Variants in TXNDC12 observed in about 807,000 individuals in gnomAD.
TXNDC12 encodes thioredoxin domain containing 12.
In TXNDC12, 22 loss-of-function variants were observed where a neutral mutation model predicts 24.2. That is an observed-to-expected ratio of 0.91 (90% CI 0.65 to 1.30). The LOEUF (loss-of-function observed/expected upper bound fraction) is 1.30, where lower values mean the gene tolerates loss of function less well. Among genes scored for constraint, TXNDC12 ranks in the 50% most tolerant of loss-of-function variants. The pLI is 0.00. For missense variants in TXNDC12, 184 were observed against 205.8 expected (o/e 0.89, Z 0.65); for synonymous variants, 58 against 73.4 (o/e 0.79, Z 1.07).
upstream of TXNDC12, chr1:52,055,528 G>C (rs1686326138): frequency 5.0e-6 from 1 of 199,346 alleles, no homozygotes; most frequent in Non-Finnish European, 1.0e-5. Context: ...CGTGAGGTCA[G>C]TCGCTCCCAA....
chr1:52,025,193 G>A (rs1425115179), intron 4 of TXNDC12, among the ~76,000 whole-genome samples: 1 of 151,986 alleles, frequency 6.6e-6, no homozygotes, highest in Non-Finnish European at 1.5e-5. Context: ...GTCCTCCCAG[G>A]AGATTAAAAA....
At position 52,052,809 on chromosome 1, in the gene TXNDC12, C is replaced by CACAGTAACT. The variant is rs904714951; in HGVS notation, c.97+2182_97+2190dup. 8.1e-4 allele frequency: 124 copies of CACAGTAACT among 152,300 alleles called. 2 individuals are homozygous for CACAGTAACT. The highest frequency in any genetic ancestry group is 2.9e-3 in the African/African-American group (119 of 41,564). The allele number at this position is 152,300 out of a possible 1,614,324, so 9.4% of individuals were successfully genotyped here. ...ATTCCAAGGTATTACCTACACCTAA[C>CACAGTAACT]ACAGTAACTTGAACAGAGCAAATTA... On this transcript the variant is annotated intron_variant, in intron 1 of 6. Transcript: ENST00000371626.
chr1:52,050,030 A>G (rs1686171050), intron 1 of TXNDC12, among the ~76,000 whole-genome samples: 2 of 152,184 alleles, frequency 1.3e-5, no homozygotes, highest in Admixed American at 1.3e-4. Flanking sequence ...AGCTTGCCCA[A>G]GGTTATGTTG....
intron 2 of TXNDC12, among the ~76,000 whole-genome samples, chr1:52,034,724 G>T (rs1318867282): frequency 2.0e-5 from 3 of 151,968 alleles, no homozygotes; most frequent in African/African-American, 7.2e-5. Context: ...GAATACAGGT[G>T]TGTGAGCCAA....
At chr1:52,032,533 C>T (rs1685781369) in intron 2 of TXNDC12, 2 of 1,387,838 alleles carry the variant, frequency 1.4e-6, no homozygotes, top group Non-Finnish European at 1.9e-6. Context: ...GCTGTAAACC[C>T]AAGGCCTGGC....
At chr1:52,055,380 G>T (rs1004970739), upstream of TXNDC12, 7 of 420,774 alleles carry the variant, frequency 1.7e-5, no homozygotes, top group Non-Finnish European at 3.1e-5. Context: ...GTCCCGGGAC[G>T]GAGCGGGAAA....
intron 6 of TXNDC12, among the ~76,000 whole-genome samples, chr1:52,022,635 GTTTTTT>G (rs1188645759): frequency 8.4e-6 from 1 of 118,616 alleles, no homozygotes; most frequent in Non-Finnish European, 1.8e-5. Context: ...GGTTTTTTTG[GTTTTTT>G]TTTTTTTTTT....
At position 52,027,356 on chromosome 1, in the gene TXNDC12, G is replaced by GA; in HGVS notation, c.212-9dup. ...CAAATTTGGGCTTTAGAGCTGGGGG[G>GA]AAAAAGATTTTGGAATAGAAGAAAA... On this transcript the variant is annotated splice_polypyrimidine_tract_variant and intron_variant, in intron 3 of 6. Coordinates refer to ENST00000371626, the MANE Select transcript of TXNDC12 (RefSeq NM_015913.4). 1 of 1,604,090 alleles carries GA rather than the reference G, an allele frequency of 6.2e-7. No individual in the cohort carries two copies. Among genetic ancestry groups the GA allele is most frequent in the Non-Finnish European group, 8.5e-7 (1 of 1,172,220 alleles).
rs542473583 is a variant in TXNDC12, at chr1:52,052,878, G to A, written c.97+2122C>T. On this transcript the variant is annotated intron_variant, in intron 1 of 6. Coordinates refer to ENST00000371626, the MANE Select transcript of TXNDC12 (RefSeq NM_015913.4). ...TAGTTATGATGCCCATTTTGCAGAT[G>A]AGGAACGGAGGCTTTGAGAGTTAAG... 2.6e-5 allele frequency among the ~76,000 whole-genome samples: 4 copies of A among 152,272 alleles called. No homozygotes were observed. In the East Asian group the frequency reaches 7.7e-4, roughly 29 times the overall value.
At chr1:52,036,002 C>T (rs1685876951) in intron 2 of TXNDC12, among the ~76,000 whole-genome samples, 1 of 152,048 alleles carries the variant, frequency 6.6e-6, no homozygotes, top group Admixed American at 6.6e-5. Flanking sequence ...ATTAAGATAA[C>T]AATAATACCA....
At chr1:52,024,424 T>A (rs1685644483) in intron 5 of TXNDC12, 86 bp downstream of exon 5, 1 of 1,024,724 alleles carries the variant, frequency 9.8e-7, no homozygotes, top group East Asian at 2.5e-5. Context: ...CATCCTGGTA[T>A]AGTTTCACTA....
chr1:52,022,675 G>A (rs545346294), intron 6 of TXNDC12, among the ~76,000 whole-genome samples: 7 of 122,182 alleles, frequency 5.7e-5, no homozygotes, highest in African/African-American at 2.2e-4. Context: ...GTCTCGCTCT[G>A]TCACCCAGGC....
In TXNDC12 at chr1:52,055,065, C is replaced by T; in HGVS notation, c.32G>A (p.Cys11Tyr). 6.2e-7 allele frequency: 1 copy of T among 1,614,102 alleles called. No individual in the cohort carries two copies. The highest frequency in any genetic ancestry group is 8.5e-7 in the Non-Finnish European group (1 of 1,179,978). Residue 11 changes from cysteine to tyrosine, a missense_variant, in exon 1 of 7, where the codon TGT (cysteine) becomes TAT (tyrosine). Cys to Tyr is a radical substitution (Grantham distance 194). Transcript: ENST00000371626. ...GAGCAGGAAACTGAAGCCCAGCAAA[C>T]AGGTGGCCCCGAGACGAGGCCGCGT... METRPRLGAT[C>Y]LLGFSFLLLV...
intron 6 of TXNDC12, among the ~76,000 whole-genome samples, chr1:52,022,154 G>A (rs190999060): frequency 9.2e-5 from 14 of 152,188 alleles, no homozygotes; most frequent in African/African-American, 2.2e-4. Flanking sequence ...TCTCCTCCCC[G>A]TCCCTAGTCT....
chr1:52,046,751 C>T (rs113013926), intron 1 of TXNDC12, among the ~76,000 whole-genome samples: 2 of 151,282 alleles, frequency 1.3e-5, no homozygotes, highest in African/African-American at 4.9e-5. Flanking sequence ...GGCGCGGTGG[C>T]TCACGCCTGT....
At chr1:52,024,851 T>C (rs1342130708) in intron 4 of TXNDC12, among the ~76,000 whole-genome samples, 1 of 152,242 alleles carries the variant, frequency 6.6e-6, no homozygotes, top group Non-Finnish European at 1.5e-5. Flanking sequence ...AACTCTCTGC[T>C]GAACACACTT....
chr1:52,040,755 G>A (rs1453566397), intron 2 of TXNDC12, among the ~76,000 whole-genome samples: 1 of 152,152 alleles, frequency 6.6e-6, no homozygotes, highest in Non-Finnish European at 1.5e-5. Context: ...GTTTGGCCGG[G>A]CGTGGTGGCT....
intron 6 of TXNDC12, among the ~76,000 whole-genome samples, chr1:52,022,294 A>G (rs1685609137): frequency 6.6e-6 from 1 of 152,202 alleles, no homozygotes; most frequent in Admixed American, 6.5e-5. Flanking sequence ...GAAAGCAGCA[A>G]CAATACATGG....
intron 1 of TXNDC12, among the ~76,000 whole-genome samples, chr1:52,042,022 G>A (rs72905987): frequency 0.023 from 3,496 of 152,230 alleles, 73 homozygotes; most frequent in African/African-American, 0.061. Flanking sequence ...TTCCTATTAC[G>A]TGTGTGAATT....
Sources: gnomAD v4.1 joint callset for allele counts (sites outside exome capture counted in the v4.1 genomes callset) on GRCh38, gnomAD v4.1.1 for gene constraint, MANE v1.5 for transcripts, NCBI Gene and HGNC (gene_info 2026-07-23, HGNC 2026-07-21) for gene names.